The following ARHGEF7 variants were observed in gnomAD, a reference collection of about 807,000 sequenced individuals.
ARHGEF7 encodes the protein PAK-interacting exchange factor beta.
A neutral mutation model predicts 109.8 loss-of-function variants in ARHGEF7; 33 were observed. The observed-to-expected ratio is 0.30, with a 90% CI of 0.23 to 0.40. ARHGEF7 has a LOEUF of 0.40. Among genes scored for constraint, ARHGEF7 ranks in the 10% least tolerant of loss-of-function variants. The pLI is 1.00. For missense variants in ARHGEF7, 938 were observed against 1,098.5 expected (o/e 0.85, Z 2.07); for synonymous variants, 458 against 424.6 (o/e 1.08, Z -0.97).
chr13:111,151,506 TG>T (rs1347301955), intron 1 of ARHGEF7, among the ~76,000 whole-genome samples: 1 of 152,258 alleles, frequency 6.6e-6, no homozygotes, highest in Non-Finnish European at 1.5e-5. Flanking sequence ...TTTTATTGGT[TG>T]TCGTCTCATG....
intron 6 of ARHGEF7, among the ~76,000 whole-genome samples, chr13:111,237,057 G>A (rs1339159183): frequency 6.6e-6 from 1 of 152,230 alleles, no homozygotes; most frequent in African/African-American, 2.4e-5. Flanking sequence ...GAGGGCTGGG[G>A]AGGAGCATGA....
chr13:111,267,580 G>T lies in ARHGEF7; in HGVS notation c.983G>T (p.Cys328Phe), dbSNP rs1291251578. 6.2e-7 allele frequency: 1 copy of T among 1,613,942 alleles called. No individual in the cohort carries two copies. The highest frequency in any genetic ancestry group is 1.1e-5 in the South Asian group (1 of 91,084). The change falls in exon 9 of 22, where the codon TGC becomes TTC. Residue 328 changes from cysteine to phenylalanine, a missense_variant. Coordinates refer to ENST00000646102, the MANE Select transcript of ARHGEF7 (RefSeq NM_001354046.2). ...LPEAQQRVGG[C>F]FLNLMPQMKT... ...GAAGCTCAGCAGAGAGTCGGAGGCT[G>T]CTTTTTAAACCTGATGCCACAGATG...
intron 6 of ARHGEF7, 95 bp downstream of exon 6, chr13:111,233,388 A>G (rs2086369763): frequency 3.0e-6 from 3 of 997,376 alleles, no homozygotes; most frequent in African/African-American, 3.2e-5. Flanking sequence ...TAGAATAGGA[A>G]GAAGGAAATA....
At position 111,273,535 on chromosome 13, in the gene ARHGEF7, A is replaced by T. The variant is rs1451690746; in HGVS notation, c.1074-279A>T. 6.6e-6 allele frequency among the ~76,000 whole-genome samples: 1 copy of T among 152,052 alleles called. No individual in the cohort carries two copies. Among genetic ancestry groups the T allele is most frequent in the Non-Finnish European group, 1.5e-5 (1 of 68,018 alleles). On this transcript the variant is annotated intron_variant, in intron 9 of 21. Coordinates refer to ENST00000646102, the MANE Select transcript of ARHGEF7 (RefSeq NM_001354046.2). This position sits in a 1 kb window ranked among gnomAD's most constrained non-coding sequence, Gnocchi z 4.5. ...CTGCATGGCACTGATGTGCTGGAGG[A>T]CCTCGCCATCAGTAGGATCTCATGG...
rs2075559908 is a variant in ARHGEF7, at chr13:111,145,780, G to T, written c.166-8125G>T. ...AGCCTGGTTGATGCAGTCCTCAGAG[G>T]CTGGTGCAGGTTGGTGAAATCCACG... On this transcript the variant is annotated intron_variant, in intron 1 of 21. Transcript: ENST00000646102. The surrounding 1 kb of genome is among the most constrained non-coding windows in gnomAD (Gnocchi z 4.3). Among the ~76,000 whole-genome samples, 1 of 152,250 alleles carries T rather than the reference G, an allele frequency of 6.6e-6. No homozygotes were observed. The highest frequency in any genetic ancestry group is 6.5e-5 in the Admixed American group (1 of 15,290).
chr13:111,271,456 A>G (rs1567029573), intron 9 of ARHGEF7, among the ~76,000 whole-genome samples: 1 of 152,212 alleles, frequency 6.6e-6, no homozygotes, highest in Non-Finnish European at 1.5e-5. Flanking sequence ...CTGTACGGTG[A>G]GCAGGACACC....
chr13:111,205,295 G>A lies in ARHGEF7; in HGVS notation c.259G>A (p.Asp87Asn). Residue 87 changes from aspartate (D) to asparagine (N), a missense_variant, in exon 3 of 22, where the codon GAT becomes AAT. Asp to Asn is a conservative substitution (Grantham distance 23). This residue lies in a region of ARHGEF7 where 165 missense variants were observed against 125.8 expected (regional missense o/e 1.31). Coordinates refer to ENST00000646102, the MANE Select transcript of ARHGEF7 (RefSeq NM_001354046.2). The stretch of plus-strand genomic sequence containing the variant: ...GTTTAATTTTTCCTTTCAGACGTTT[G>A]ATGCAAATGATTTGTATCAGGGGCA... ...CGASLRLETF[D>N]ANDLYQGQNF... 1.2e-6 allele frequency: 2 copies of A among 1,600,044 alleles called. No individual in the cohort carries two copies. The highest frequency in any genetic ancestry group is 1.7e-6 in the Non-Finnish European group (2 of 1,176,840).
chr13:111,173,300 G>A (rs940310580), intron 2 of ARHGEF7, among the ~76,000 whole-genome samples: 1 of 152,154 alleles, frequency 6.6e-6, no homozygotes, highest in African/African-American at 2.4e-5. Flanking sequence ...CTGGAGGGGT[G>A]GTGTGCTTGG....
At chr13:111,115,102 A>C (rs1240872721), upstream of ARHGEF7, 6 of 104,070 alleles carry the variant, frequency 5.8e-5, no homozygotes, top group South Asian at 3.7e-4. Flanking sequence ...CTCCCTCCCC[A>C]TCCGCTCCCC....
intron 2 of ARHGEF7, among the ~76,000 whole-genome samples, chr13:111,154,798 C>T (rs1706604589): frequency 6.6e-6 from 1 of 152,140 alleles, no homozygotes; most frequent in African/African-American, 2.4e-5. Context: ...TTGGGATCTG[C>T]TTAAGTGGTT....
intron 1 of ARHGEF7, among the ~76,000 whole-genome samples, chr13:111,125,866 G>A (rs1015157272): frequency 6.6e-6 from 1 of 152,208 alleles, no homozygotes; most frequent in Non-Finnish European, 1.5e-5. Context: ...AAAAGATTGT[G>A]GCTTTGTCAT....
At chr13:111,171,033 G>T (rs2077551890) in intron 2 of ARHGEF7, among the ~76,000 whole-genome samples, 1 of 152,200 alleles carries the variant, frequency 6.6e-6, no homozygotes, top group Non-Finnish European at 1.5e-5. Flanking sequence ...AGAATTTTGT[G>T]TGCACTGGAT....
In ARHGEF7 at chr13:111,292,288, A is replaced by G. The variant is rs2093313813; in HGVS notation, c.2305A>G (p.Thr769Ala). 6.2e-7 allele frequency: 1 copy of G among 1,614,232 alleles called. No individual in the cohort carries two copies. The highest frequency in any genetic ancestry group is 8.5e-7 in the Non-Finnish European group (1 of 1,180,032). ...AGCCCATAGTTACAGAATGGGTTCT[A>G]CATCTCGTAAGAGCTGTTGCTCATA... ...WTAHSYRMGS[T>A]SRSRKESAPQ... Residue 769 changes from threonine (T) to alanine (A), a missense_variant, in exon 19 of 22, where the codon ACA becomes GCA. Thr to Ala is a moderately conservative substitution (Grantham distance 58). Coordinates refer to ENST00000646102, the MANE Select transcript of ARHGEF7 (RefSeq NM_001354046.2).
chr13:111,153,600 C>G (rs1595089688), intron 1 of ARHGEF7: 1 of 1,141,532 alleles, frequency 8.8e-7, no homozygotes, highest in East Asian at 6.0e-5. Context: ...CCGACGCTAT[C>G]CGAAGACGTC....
At position 111,147,138 on chromosome 13, in the gene ARHGEF7, A is replaced by T. The variant is rs544685251; in HGVS notation, c.166-6767A>T. Among the ~76,000 whole-genome samples the T allele has an allele frequency of 1.3e-3, 196 of 152,322 alleles. 2 individuals are homozygous for T. Among genetic ancestry groups the T allele is most frequent in the Non-Finnish European group, 2.3e-3 (157 of 68,038 alleles). On this transcript the variant is annotated intron_variant, in intron 1 of 21. Transcript: ENST00000646102. ...CCTTTGAATTGTGAAGGCTTTGCTGATTATAAATAAAGCTATGAACATTGC... is the reference window on the plus strand; with the variant it reads ...CCTTTGAATTGTGAAGGCTTTGCTGTTTATAAATAAAGCTATGAACATTGC...
chr13:111,163,744 A>G (rs1310312220), intron 2 of ARHGEF7, among the ~76,000 whole-genome samples: 12 of 152,192 alleles, frequency 7.9e-5, no homozygotes, highest in Admixed American at 2.0e-4. Flanking sequence ...CATGTTGCCC[A>G]GGCTGATCTC....
At chr13:111,156,676 T>C (rs1034165803) in intron 2 of ARHGEF7, among the ~76,000 whole-genome samples, 1 of 152,234 alleles carries the variant, frequency 6.6e-6, no homozygotes, top group Non-Finnish European at 1.5e-5. Context: ...AGTGCAGCAA[T>C]TTCCCAGTGT....
intron 4 of ARHGEF7, among the ~76,000 whole-genome samples, chr13:111,217,309 T>C (rs1273325216): frequency 6.6e-6 from 1 of 152,232 alleles, no homozygotes; most frequent in African/African-American, 2.4e-5. Context: ...GGTATAGTCA[T>C]ATAGCATAAC....
intron 2 of ARHGEF7, among the ~76,000 whole-genome samples, chr13:111,171,840 A>G (rs755421668): frequency 2.0e-5 from 3 of 151,890 alleles, no homozygotes; most frequent in Non-Finnish European, 2.9e-5. Context: ...AGGCTCATGA[A>G]TGGGGTTAGT....
Sources: gnomAD v4.1 joint callset for allele counts (sites outside exome capture counted in the v4.1 genomes callset) on GRCh38, gnomAD v4.1.1 for gene constraint, gnomAD v4.1.1 regional missense constraint, Gnocchi (gnomAD v3.1) non-coding constraint, MANE v1.5 for transcripts, NCBI Gene and HGNC (gene_info 2026-07-23, HGNC 2026-07-21) for gene names.